The following FHIT variants were observed in gnomAD, a reference collection of about 807,000 sequenced individuals.
The protein encoded by FHIT is fragile histidine triad diadenosine triphosphatase.
Under a neutral mutation model 17.9 loss-of-function variants are expected in FHIT, and 19 were observed. That is an observed-to-expected ratio of 1.06 (90% CI 0.74 to 1.56). FHIT has a LOEUF of 1.56. FHIT is among the 40% of genes most tolerant of loss of function. The probability of loss-of-function intolerance (pLI) is 0.00; values close to 1 mark genes in which losing one functional copy is unlikely to be tolerated. For missense variants in FHIT, 248 were observed against 189.2 expected (o/e 1.31, Z -1.82); for synonymous variants, 81 against 69.7 (o/e 1.16, Z -0.81).
At chr3:59,782,733 G>T (rs1343193180) in intron 8 of FHIT, among the ~76,000 whole-genome samples, 2 of 152,166 alleles carry the variant, frequency 1.3e-5, no homozygotes, top group Non-Finnish European at 2.9e-5. Context: ...GGAGATAAAT[G>T]TCTCACAAAC....
At chr3:59,987,318 GCTGTGAAC>G (rs1709029523) in intron 7 of FHIT, among the ~76,000 whole-genome samples, 1 of 151,594 alleles carries the variant, frequency 6.6e-6, no homozygotes, top group Non-Finnish European at 1.5e-5. Flanking sequence ...AATGAGCTTG[GCTGTGAAC>G]ACGGTTAGAA....
chr3:60,356,143 G>C (rs1576527599), intron 5 of FHIT, among the ~76,000 whole-genome samples: 1 of 152,148 alleles, frequency 6.6e-6, no homozygotes, highest in Non-Finnish European at 1.5e-5. Context: ...TTTATGAGTG[G>C]TATTTAAAAT....
chr3:59,875,822 T>G (rs1703128177), intron 8 of FHIT, among the ~76,000 whole-genome samples: 1 of 152,156 alleles, frequency 6.6e-6, no homozygotes, highest in Non-Finnish European at 1.5e-5. Context: ...TATATCATAT[T>G]CATATGGATT....
intron 7 of FHIT, among the ~76,000 whole-genome samples, chr3:59,981,000 T>A (rs560867994): frequency 7.2e-5 from 11 of 152,280 alleles, no homozygotes; most frequent in Admixed American, 6.5e-4. Flanking sequence ...GTAGTTATGT[T>A]ACCCAAAAGT....
chr3:60,704,090 G>T (rs1205510542), intron 4 of FHIT, among the ~76,000 whole-genome samples: 1 of 152,088 alleles, frequency 6.6e-6, no homozygotes, highest in African/African-American at 2.4e-5. Context: ...GACTACATAT[G>T]CATTAAATCA....
intron 2 of FHIT, among the ~76,000 whole-genome samples, chr3:61,148,082 A>G (rs929524858): frequency 1.3e-5 from 2 of 151,764 alleles, no homozygotes; most frequent in Non-Finnish European, 2.9e-5. Context: ...CCCAGACAAA[A>G]GACTGGAAGA....
intron 4 of FHIT, among the ~76,000 whole-genome samples, chr3:60,582,593 A>T (rs2037782333): frequency 6.6e-6 from 1 of 151,718 alleles, no homozygotes; most frequent in South Asian, 2.1e-4. Flanking sequence ...GTTTCATTTC[A>T]AGACAATTTC....
intron 4 of FHIT, among the ~76,000 whole-genome samples, chr3:60,692,995 A>G (rs782483217): frequency 6.6e-6 from 1 of 152,228 alleles, no homozygotes; most frequent in African/African-American, 2.4e-5. Flanking sequence ...TCACCTGTTG[A>G]AATTGTTCAT....
At chr3:60,829,891 A>G (rs545535151) in intron 3 of FHIT, among the ~76,000 whole-genome samples, 137 of 145,020 alleles carry the variant, frequency 9.4e-4, no homozygotes, top group African/African-American at 3.3e-3. Flanking sequence ...ACCTTTTTGT[A>G]AAAGGATTTT....
At chr3:60,513,908 A>C (rs1260353026) in intron 5 of FHIT, among the ~76,000 whole-genome samples, 1 of 152,214 alleles carries the variant, frequency 6.6e-6, no homozygotes, top group Non-Finnish European at 1.5e-5. Flanking sequence ...GCAGAGCGGC[A>C]GAGCAGAGAA....
chr3:60,268,238 T>A (rs766247751), intron 5 of FHIT, among the ~76,000 whole-genome samples: 1 of 152,200 alleles, frequency 6.6e-6, no homozygotes, highest in Non-Finnish European at 1.5e-5. Context: ...AATCTCTATC[T>A]CCTATAGCAT....
intron 3 of FHIT, among the ~76,000 whole-genome samples, chr3:60,926,140 A>G (rs1164027895): frequency 6.6e-6 from 1 of 152,192 alleles, no homozygotes; most frequent in East Asian, 1.9e-4. Flanking sequence ...AACATTAGAC[A>G]GATCAACGAG....
intron 4 of FHIT, among the ~76,000 whole-genome samples, chr3:60,644,787 CT>C (rs1553686299): frequency 6.6e-6 from 1 of 152,160 alleles, no homozygotes; most frequent in Admixed American, 6.5e-5. Context: ...AATCTTTCCC[CT>C]TCTCAGCTTG....
At chr3:59,978,403 T>C (rs542097138) in intron 7 of FHIT, among the ~76,000 whole-genome samples, 2 of 152,028 alleles carry the variant, frequency 1.3e-5, no homozygotes, top group Non-Finnish European at 1.5e-5. Context: ...TCTACAATAT[T>C]ACTATGCTTT....
At chr3:60,468,519 CATTAT>C (rs2032919411) in intron 5 of FHIT, among the ~76,000 whole-genome samples, 1 of 151,906 alleles carries the variant, frequency 6.6e-6, no homozygotes, top group Non-Finnish European at 1.5e-5. Flanking sequence ...TCTTGTAACC[CATTAT>C]ATTAAACAGA....
chr3:60,899,468 A>T (rs6804478), intron 3 of FHIT, among the ~76,000 whole-genome samples: 1 of 151,984 alleles, frequency 6.6e-6, no homozygotes, highest in African/African-American at 2.4e-5. Flanking sequence ...ATTTTTTCAT[A>T]TGAATATATT....
intron 4 of FHIT, among the ~76,000 whole-genome samples, chr3:60,561,037 C>T (rs2036924929): frequency 6.6e-6 from 1 of 152,038 alleles, no homozygotes; most frequent in South Asian, 2.1e-4. Context: ...CAACAAACAT[C>T]AGCTGAATGA....
At chr3:60,886,490 TAGCAA>T (rs1705228110) in intron 3 of FHIT, among the ~76,000 whole-genome samples, 1 of 152,214 alleles carries the variant, frequency 6.6e-6, no homozygotes, top group African/African-American at 2.4e-5. Context: ...CAATGGTATT[TAGCAA>T]ATATCACATT....
chr3:60,714,305 T>A (rs2041621398), intron 4 of FHIT, among the ~76,000 whole-genome samples: 1 of 152,054 alleles, frequency 6.6e-6, no homozygotes, highest in Non-Finnish European at 1.5e-5. Context: ...GAGCTATCTA[T>A]GACAAACCCA....
Sources: gnomAD v4.1 joint callset for allele counts (sites outside exome capture counted in the v4.1 genomes callset) on GRCh38, gnomAD v4.1.1 for gene constraint, MANE v1.5 for transcripts, NCBI Gene and HGNC (gene_info 2026-07-23, HGNC 2026-07-21) for gene names.